The following GNL3L variants were observed in gnomAD, a reference collection of about 807,000 sequenced individuals.
The protein encoded by GNL3L is guanine nucleotide-binding protein-like 3-like protein.
A neutral mutation model predicts 42.9 loss-of-function variants in GNL3L; 4 were observed. The observed-to-expected ratio is 0.09, with a 90% CI of 0.05 to 0.21. The LOEUF (loss-of-function observed/expected upper bound fraction) is 0.21. Among genes scored for constraint, GNL3L ranks in the 10% least tolerant of loss-of-function variants. The pLI, the probability that GNL3L is intolerant of heterozygous loss-of-function variation, is 1.00. For missense variants in GNL3L, 412 were observed against 481.7 expected (o/e 0.86, Z 1.36); for synonymous variants, 159 against 176.3 (o/e 0.90, Z 0.78).
At chrX:54,575,198 A>G (rs751447937) in intron 16 of GNL3L, among the ~76,000 whole-genome samples, 1 of 111,959 alleles carries the variant, frequency 8.9e-6, no homozygotes, top group Non-Finnish European at 1.9e-5. Flanking sequence ...CTAAAGTACA[A>G]GTTTAGGTTA....
intron 1 of GNL3L, among the ~76,000 whole-genome samples, 170 bp downstream of exon 1, chrX:54,530,589 G>A (rs919458376): frequency 9.0e-6 from 1 of 111,441 alleles, no homozygotes; most frequent in Admixed American, 9.5e-5. Context: ...TGTGTAGAGA[G>A]GCACAAACTT....
intron 15 of GNL3L, among the ~76,000 whole-genome samples, chrX:54,559,959 G>A (rs1248013812): frequency 1.8e-5 from 2 of 111,195 alleles, no homozygotes; most frequent in African/African-American, 6.5e-5. Context: ...TTGGCAGCAC[G>A]AGCACATAGT....
chrX:54,624,436 T>C (rs1926328703), downstream of GNL3L, among the ~76,000 whole-genome samples: 2 of 102,119 alleles, frequency 2.0e-5, no homozygotes, highest in Admixed American at 2.0e-4. Context: ...TTTTTTCTTT[T>C]TCTTTTTTTT....
chrX:54,638,465 CATTAA>C, the GNL3L span, among the ~76,000 whole-genome samples: 2 of 111,678 alleles, frequency 1.8e-5, no homozygotes, highest in African/African-American at 3.3e-5. Context: ...ATATATAGCT[CATTAA>C]ATTAATTAAT....
At chrX:54,542,532 A>G (rs1924653905) in intron 5 of GNL3L, among the ~76,000 whole-genome samples, 1 of 111,014 alleles carries the variant, frequency 9.0e-6, no homozygotes, top group African/African-American at 3.3e-5. Context: ...AGTCTTTGCT[A>G]TTGTGAATAG....
At chrX:54,552,120 C>T (rs750930061) in intron 12 of GNL3L, 146 bp downstream of exon 12, 17 of 809,458 alleles carry the variant, frequency 2.1e-5, no homozygotes, top group Non-Finnish European at 3.0e-5. Flanking sequence ...ATGTCCTGCT[C>T]GAGACTTTAT....
Position 54,562,445 on chromosome X carries a change from C to T in GNL3L, c.*1843C>T, listed in dbSNP as rs868071711. Among the ~76,000 whole-genome samples, 8 of 111,279 alleles carry T rather than the reference C, an allele frequency of 7.2e-5. No homozygotes were observed. Among genetic ancestry groups the T allele is most frequent in the Non-Finnish European group, 1.3e-4 (7 of 53,063 alleles). On this transcript the variant is annotated 3_prime_UTR_variant, in exon 16 of 16. Transcript: ENST00000360845. ...GAACCATGTGACAAGGACTGGAGTG[C>T]CATTGGCTGTGGACTGTTCAGGCAG... is the stretch of plus-strand genomic sequence containing the variant.
chrX:54,542,869 C>T (rs147418992), intron 5 of GNL3L, 86 bp from the exon 6 acceptor site: 1 of 534,223 alleles, frequency 1.9e-6, no homozygotes, highest in Non-Finnish European at 3.2e-6. Context: ...ATTTTTTAAG[C>T]CTCCTATAGT....
intron 16 of GNL3L, among the ~76,000 whole-genome samples, chrX:54,581,483 C>T (rs1225069672): frequency 8.9e-6 from 1 of 112,286 alleles, no homozygotes; most frequent in Non-Finnish European, 1.9e-5. Context: ...GATCCTCTTG[C>T]CTCGGACTCT....
chrX:54,620,760 G>A (rs933843340), intron 16 of GNL3L, among the ~76,000 whole-genome samples: 3 of 111,761 alleles, frequency 2.7e-5, no homozygotes, highest in Non-Finnish European at 5.6e-5. Flanking sequence ...CACCAATAGC[G>A]TGTGAGGTTC....
rs1045891486 is a variant in GNL3L at position 54,566,859 on chromosome X, G to C, written c.*6257G>C. Among the ~76,000 whole-genome samples, 1 of 111,516 alleles carries C rather than the reference G, an allele frequency of 9.0e-6. No homozygotes were observed. Among genetic ancestry groups the C allele is most frequent in the African/African-American group, 3.3e-5 (1 of 30,721 alleles). ...TGTGCTCATAGGTCACTGTAGCTTC[G>C]ACCTCCTGGGCTCAAGCGAACCTCC... On this transcript the variant is annotated 3_prime_UTR_variant, in exon 16 of 16. Transcript: ENST00000360845.
At chrX:54,550,419 C>T (rs1313802581) in intron 9 of GNL3L, among the ~76,000 whole-genome samples, 1 of 111,059 alleles carries the variant, frequency 9.0e-6, no homozygotes, top group East Asian at 2.8e-4. Context: ...ATAGTACACA[C>T]ATGTAAATTG....
At chrX:54,598,042 A>G (rs1231202214) in intron 16 of GNL3L, among the ~76,000 whole-genome samples, 2 of 111,213 alleles carry the variant, frequency 1.8e-5, no homozygotes, top group African/African-American at 3.3e-5. Flanking sequence ...TGTTCTTATG[A>G]AGGTATTCTG....
At chrX:54,583,176 ATTTATTTATTTAT>A (rs1428664502) in intron 16 of GNL3L, among the ~76,000 whole-genome samples, 6 of 110,446 alleles carry the variant, frequency 5.4e-5, no homozygotes, top group Non-Finnish European at 9.5e-5. Flanking sequence ...ATGAGGTCCT[ATTTATTTATTTAT>A]TTTATTTATT....
At chrX:54,534,450 A>T (rs1449635075) in intron 2 of GNL3L, among the ~76,000 whole-genome samples, 4 of 110,866 alleles carry the variant, frequency 3.6e-5, no homozygotes, top group African/African-American at 1.3e-4. Flanking sequence ...GGGAAATTTG[A>T]TGCTACGGCA....
the GNL3L span, among the ~76,000 whole-genome samples, chrX:54,638,944 AGTT>A: frequency 9.0e-6 from 1 of 111,638 alleles, no homozygotes; most frequent in East Asian, 2.8e-4. Flanking sequence ...TTACCCTGGA[AGTT>A]GTTAGAAACA....
chrX:54,588,479 T>G (rs1925818877), intron 16 of GNL3L, among the ~76,000 whole-genome samples: 1 of 112,441 alleles, frequency 8.9e-6, no homozygotes, highest in African/African-American at 3.2e-5. Context: ...GATTATATGG[T>G]TTTTCTTTCA....
chrX:54,551,124 C>T, intron 10 of GNL3L, 74 bp downstream of exon 10: 2 of 599,541 alleles, frequency 3.3e-6, no homozygotes, highest in Non-Finnish European at 5.7e-6. Flanking sequence ...ATGCCTTCAG[C>T]CCCTGTCCCT....
In GNL3L at chrX:54,561,346, G is replaced by A. The variant is rs1035164414; in HGVS notation, c.*744G>A. Reference sequence around the variant, plus strand: ...CCCCACAGGAGATTTCAGTGGCAAGGCATGCCTGCAGTGGGCTTTGGGCCA... The same window carrying A: ...CCCCACAGGAGATTTCAGTGGCAAGACATGCCTGCAGTGGGCTTTGGGCCA... On this transcript the variant is annotated 3_prime_UTR_variant, in exon 16 of 16. Transcript: ENST00000360845. Among the ~76,000 whole-genome samples the A allele has an allele frequency of 8.9e-6, 1 of 112,166 alleles. No homozygotes were observed. The highest frequency in any genetic ancestry group is 1.9e-5 in the Non-Finnish European group (1 of 53,251).
Sources: allele counts gnomAD v4.1 joint callset (sites outside exome capture counted in the v4.1 genomes callset), GRCh38; gene constraint gnomAD v4.1.1; transcripts MANE v1.5; gene names NCBI Gene and HGNC (gene_info 2026-07-23, HGNC 2026-07-21).